The following RGS6 variants were observed in gnomAD, a reference collection of about 807,000 sequenced individuals.
RGS6 encodes regulator of G protein signaling 6.
In RGS6, 30 loss-of-function variants were observed where a neutral mutation model predicts 78.5. The observed-to-expected ratio is 0.38, with a 90% CI of 0.29 to 0.52. The LOEUF (loss-of-function observed/expected upper bound fraction) is 0.52. Ranked by LOEUF, RGS6 falls within the 20% of genes least tolerant of loss-of-function variation. The pLI, the probability that RGS6 is intolerant of heterozygous loss-of-function variation, is 0.85. For synonymous variants in RGS6, 206 were observed against 206.0 expected, an observed-to-expected ratio of 1.00 and a Z score of 0.00; for missense variants, 495 against 609.7, an observed-to-expected ratio of 0.81 and a Z score of 1.98.
intron 2 of RGS6, among the ~76,000 whole-genome samples, chr14:72,298,404 TTAATGAGAGA>T (rs2065293800): frequency 6.6e-6 from 1 of 151,248 alleles, no homozygotes; most frequent in Non-Finnish European, 1.5e-5. Flanking sequence ...TGTGTTTGTG[TTAATGAGAGA>T]TATTGTCATT....
In RGS6 at chr14:72,563,750, C is replaced by T. The variant is rs1409574891; in HGVS notation, c.*1283C>T. ...TGATACGCAGTAGGTGCTTAGCAAA[C>T]GGTAGCTAATACTATCATCATTGTC... On this transcript the variant is annotated 3_prime_UTR_variant, in exon 18 of 18. Coordinates refer to ENST00000553525, the MANE Select transcript of RGS6 (RefSeq NM_001204424.2). 1 of 152,142 alleles carries T rather than the reference C, an allele frequency of 6.6e-6. No homozygotes were observed. The highest frequency in any genetic ancestry group is 6.5e-5 in the Admixed American group (1 of 15,274). The allele number at this position is 152,142 out of a possible 1,614,324, so 9.4% of individuals were successfully genotyped here. A position where few individuals can be genotyped will look rare whatever the true frequency, so the allele number is the denominator to read the frequency against.
the RGS6 span, among the ~76,000 whole-genome samples, chr14:71,875,879 T>C: frequency 6.6e-6 from 1 of 152,238 alleles, no homozygotes; most frequent in African/African-American, 2.4e-5. Context: ...AACATCTTTA[T>C]TTCTGCCTTC....
At chr14:72,328,785 A>G (rs973645275) in intron 2 of RGS6, among the ~76,000 whole-genome samples, 1 of 152,236 alleles carries the variant, frequency 6.6e-6, no homozygotes, top group East Asian at 1.9e-4. Flanking sequence ...ATTTTAAGCT[A>G]TTCTCCCAAA....
At chr14:72,087,260 A>T (rs539889631) in intron 2 of RGS6, among the ~76,000 whole-genome samples, 26 of 152,124 alleles carry the variant, frequency 1.7e-4, no homozygotes, top group Non-Finnish European at 2.9e-4. Context: ...CCTCCCAAGT[A>T]GCTAGGATTA....
At chr14:72,433,509 TA>T (rs906103473) in intron 3 of RGS6, among the ~76,000 whole-genome samples, 54 of 147,558 alleles carry the variant, frequency 3.7e-4, no homozygotes, top group East Asian at 1.2e-3. Flanking sequence ...AAATAAAAAT[TA>T]AAAAAAAAAG....
the RGS6 span, among the ~76,000 whole-genome samples, chr14:72,600,194 T>C: frequency 4.0e-5 from 6 of 151,826 alleles, no homozygotes; most frequent in Non-Finnish European, 5.9e-5. Context: ...CCCAGCCCCA[T>C]GGACCCTGGG....
chr14:72,488,274 C>G (rs1233700907), intron 12 of RGS6, among the ~76,000 whole-genome samples: 1 of 152,236 alleles, frequency 6.6e-6, no homozygotes, highest in Non-Finnish European at 1.5e-5. Context: ...ACGTGTTCCT[C>G]TATAGCATGT....
intron 2 of RGS6, among the ~76,000 whole-genome samples, chr14:72,240,379 C>T (rs1304024144): frequency 6.6e-6 from 1 of 152,068 alleles, no homozygotes; most frequent in Non-Finnish European, 1.5e-5. Flanking sequence ...TCTGATTATG[C>T]CTCTTGGCTA....
chr14:72,393,146 T>A (rs2090407780), intron 3 of RGS6, among the ~76,000 whole-genome samples: 1 of 152,222 alleles, frequency 6.6e-6, no homozygotes, highest in Non-Finnish European at 1.5e-5. Flanking sequence ...TGCCTAGTCC[T>A]ACCTGAGGAT....
intron 2 of RGS6, among the ~76,000 whole-genome samples, chr14:72,292,241 T>C (rs1404529383): frequency 6.6e-6 from 1 of 152,212 alleles, no homozygotes; most frequent in Non-Finnish European, 1.5e-5. Flanking sequence ...CCCTGTATGG[T>C]CAACTCCAGC....
intron 2 of RGS6, among the ~76,000 whole-genome samples, chr14:72,054,352 G>GA (rs952779626): frequency 1.3e-5 from 2 of 152,016 alleles, no homozygotes; most frequent in Non-Finnish European, 2.9e-5. Context: ...AAAGGTGGAG[G>GA]AATCACTGTG....
chr14:72,495,164 C>T lies in RGS6; in HGVS notation c.867C>T (p.Tyr289=). 1 of 1,610,780 alleles carries T rather than the reference C, an allele frequency of 6.2e-7. No individual in the cohort carries two copies. Among genetic ancestry groups the T allele is most frequent in the Non-Finnish European group, 8.5e-7 (1 of 1,177,022 alleles). The change falls in exon 13 of 18, where the codon TAC becomes TAT. Residue 289 remains tyrosine (Y), a synonymous_variant. Transcript: ENST00000553525. Reference sequence around the variant, plus strand: ...CTCCCTCCTGCAGTTTAATTGCCTACACGGAACAATATGTGGAATATGACC... The same window carrying T: ...CTCCCTCCTGCAGTTTAATTGCCTATACGGAACAATATGTGGAATATGACC... ...MSKVAESLIA[Y]TEQYVEYDPL...
intron 2 of RGS6, among the ~76,000 whole-genome samples, chr14:72,078,406 C>A (rs1597204923): frequency 6.6e-6 from 1 of 151,640 alleles, no homozygotes; most frequent in African/African-American, 2.4e-5. Context: ...TTCTTTTATT[C>A]TTTTCTTTCT....
intron 2 of RGS6, among the ~76,000 whole-genome samples, chr14:72,153,617 C>T (rs1167547569): frequency 1.3e-5 from 2 of 152,288 alleles, no homozygotes; most frequent in African/African-American, 4.8e-5. Flanking sequence ...AATTTTACAC[C>T]TGGGCCGCCG....
At chr14:72,453,798 C>T (rs1470403579) in intron 3 of RGS6, among the ~76,000 whole-genome samples, 10 of 152,012 alleles carry the variant, frequency 6.6e-5, no homozygotes, top group African/African-American at 9.7e-5. Context: ...TGGTTGGAAC[C>T]GTGGCTCCCT....
At chr14:72,601,054 AGGAGGAGGAGGG>A in the RGS6 span, among the ~76,000 whole-genome samples, 4 of 143,144 alleles carry the variant, frequency 2.8e-5, no homozygotes, top group African/African-American at 1.0e-4. Flanking sequence ...AAGGGGGAAG[AGGAGGAGGAGGG>A]GGAGGAGGAG....
chr14:72,011,222 C>T (rs1291606615), intron 2 of RGS6, among the ~76,000 whole-genome samples: 1 of 152,170 alleles, frequency 6.6e-6, no homozygotes, highest in African/African-American at 2.4e-5. Context: ...TATCTTCTTT[C>T]CATCTAATTT....
At chr14:72,169,224 C>T (rs925481804) in intron 2 of RGS6, among the ~76,000 whole-genome samples, 4 of 152,076 alleles carry the variant, frequency 2.6e-5, no homozygotes, top group Non-Finnish European at 4.4e-5. Flanking sequence ...ATTGATTCTT[C>T]GGGTGGAGTA....
intron 13 of RGS6, 81 bp downstream of exon 13, chr14:72,495,343 CTTAA>C: frequency 1.1e-6 from 1 of 927,810 alleles, no homozygotes; most frequent in Non-Finnish European, 1.8e-6. Flanking sequence ...TATATTCTAT[CTTAA>C]TTTGACATTT....
Sources: allele counts gnomAD v4.1 joint callset (sites outside exome capture counted in the v4.1 genomes callset), GRCh38; gene constraint gnomAD v4.1.1; transcripts MANE v1.5; gene names NCBI Gene and HGNC (gene_info 2026-07-23, HGNC 2026-07-21).